The following DLG2 variants were observed in gnomAD, a reference collection of about 807,000 sequenced individuals.
DLG2 encodes the protein discs large MAGUK scaffold protein 2.
A neutral mutation model predicts 132.5 loss-of-function variants in DLG2; 45 were observed. The ratio of observed to expected loss-of-function variants is 0.34; its 90% CI spans 0.27 to 0.44. The LOEUF is 0.44. Among genes scored for constraint, DLG2 ranks in the 20% least tolerant of loss-of-function variants. The pLI is 1.00. For synonymous variants in DLG2, 424 were observed against 419.6 expected (o/e 1.01, Z -0.13); for missense variants, 1,045 against 1,196.9 (o/e 0.87, Z 1.87).
At position 84,197,539 on chromosome 11, in the gene DLG2, A is replaced by G. The variant is rs182457461; in HGVS notation, c.574-34028T>C. On this transcript the variant is annotated intron_variant, in intron 8 of 27. Coordinates refer to ENST00000376104, the MANE Select transcript of DLG2 (RefSeq NM_001142699.3). ...GGAAACAAATCAAATACAAATCACT[A>G]AAAAAGCCTCCAAAGAGTCAAGACA... 5.3e-5 allele frequency among the ~76,000 whole-genome samples: 8 copies of G among 152,328 alleles called. No homozygotes were observed. In the East Asian group the frequency reaches 1.5e-3, roughly 29 times the overall value.
At chr11:84,192,621 T>G (rs2096434159) in intron 8 of DLG2, among the ~76,000 whole-genome samples, 2 of 151,986 alleles carry the variant, frequency 1.3e-5, no homozygotes, top group Admixed American at 1.3e-4. Flanking sequence ...TCCCAGCTAC[T>G]CGGGAGGCTG....
At chr11:83,685,726 C>G (rs2079622947) in intron 18 of DLG2, among the ~76,000 whole-genome samples, 1 of 151,994 alleles carries the variant, frequency 6.6e-6, no homozygotes, top group Admixed American at 6.6e-5. Context: ...GCTCTAAGCT[C>G]CAGACTCTTA....
At chr11:83,733,816 C>T (rs894037824) in intron 18 of DLG2, among the ~76,000 whole-genome samples, 4 of 152,180 alleles carry the variant, frequency 2.6e-5, no homozygotes, top group Non-Finnish European at 5.9e-5. Context: ...AGTTTTGTTA[C>T]ATGGATATAT....
chr11:85,144,891 G>C (rs949711111), intron 5 of DLG2, among the ~76,000 whole-genome samples: 2 of 151,932 alleles, frequency 1.3e-5, no homozygotes, highest in African/African-American at 4.8e-5. Context: ...TCTGTATTTG[G>C]CTGTGTATTT....
chr11:84,550,131 CA>C (rs2099398933), intron 6 of DLG2, among the ~76,000 whole-genome samples: 1 of 151,806 alleles, frequency 6.6e-6, no homozygotes, highest in Non-Finnish European at 1.5e-5. Context: ...CACACACACA[CA>C]CACACACACA....
chr11:83,754,196 AAAAC>A (rs2093554147), intron 18 of DLG2, among the ~76,000 whole-genome samples: 5 of 150,866 alleles, frequency 3.3e-5, no homozygotes, highest in Non-Finnish European at 5.9e-5. Flanking sequence ...ACCCCCGCAA[AAAAC>A]AAACAAACAA....
At chr11:83,903,267 T>C (rs1460098313) in intron 15 of DLG2, among the ~76,000 whole-genome samples, 1 of 152,068 alleles carries the variant, frequency 6.6e-6, no homozygotes, top group African/African-American at 2.4e-5. Flanking sequence ...AAGATTACTC[T>C]CTACTAGGTA....
At chr11:83,641,881 G>A (rs1426659837) in intron 18 of DLG2, among the ~76,000 whole-genome samples, 4 of 151,822 alleles carry the variant, frequency 2.6e-5, no homozygotes, top group Non-Finnish European at 4.4e-5. Context: ...GTGTGTGTGT[G>A]TGTGTGTGTG....
chr11:83,812,286 C>T, intron 17 of DLG2, among the ~76,000 whole-genome samples: 1 of 152,120 alleles, frequency 6.6e-6, no homozygotes, highest in East Asian at 1.9e-4. Context: ...ACTCTCCCAT[C>T]CCAAGTGTTT....
At chr11:83,653,436 G>A (rs778576099) in intron 18 of DLG2, among the ~76,000 whole-genome samples, 3 of 152,078 alleles carry the variant, frequency 2.0e-5, no homozygotes, top group East Asian at 3.8e-4. Context: ...TTCTATGCAC[G>A]TTACTATTTG....
At chr11:83,885,744 G>C (rs1233112469) in intron 15 of DLG2, among the ~76,000 whole-genome samples, 1 of 152,216 alleles carries the variant, frequency 6.6e-6, no homozygotes, top group Non-Finnish European at 1.5e-5. Flanking sequence ...ACTAACAGCG[G>C]ATCTCTTGGC....
intron 22 of DLG2, 30 bp downstream of exon 22, chr11:83,484,099 A>G (rs758782645): frequency 8.9e-6 from 14 of 1,578,056 alleles, no homozygotes; most frequent in East Asian, 2.2e-5. Context: ...CTTATGTTGC[A>G]TGTGACATTA....
In DLG2 at chr11:84,160,281, G is replaced by C. The variant is rs2095517519; in HGVS notation, c.624+3180C>G. Among the ~76,000 whole-genome samples, 9 of 152,238 alleles carry C rather than the reference G, an allele frequency of 5.9e-5. No homozygotes were observed. In the South Asian group the frequency reaches 1.9e-3, roughly 32 times the overall value. On this transcript the variant is annotated intron_variant, in intron 9 of 27. Transcript: ENST00000376104. ...GGAGCCAGCAAGGAGGCTGAGAAAG[G>C]GCAGCCATTGAGGTGGTAAAAGAAC... is the stretch of plus-strand genomic sequence containing the variant.
intron 7 of DLG2, among the ~76,000 whole-genome samples, chr11:84,338,329 T>C (rs1358917676): frequency 1.3e-5 from 2 of 152,214 alleles, no homozygotes; most frequent in African/African-American, 4.8e-5. Flanking sequence ...ACTTGTTCAC[T>C]CTCTTCTCTG....
At chr11:83,920,075 A>G (rs2077583078) in intron 15 of DLG2, among the ~76,000 whole-genome samples, 1 of 152,158 alleles carries the variant, frequency 6.6e-6, no homozygotes, top group Non-Finnish European at 1.5e-5. Flanking sequence ...TGCGTGCCAG[A>G]AGAAGGGGAG....
At chr11:83,505,299 C>T (rs923206230) in intron 21 of DLG2, among the ~76,000 whole-genome samples, 1 of 152,212 alleles carries the variant, frequency 6.6e-6, no homozygotes, top group Non-Finnish European at 1.5e-5. Context: ...AAATGGGGCA[C>T]TCAGCAGTGG....
intron 6 of DLG2, among the ~76,000 whole-genome samples, chr11:84,893,163 G>A (rs556876300): frequency 3.9e-5 from 6 of 152,190 alleles, no homozygotes; most frequent in South Asian, 2.1e-4. Flanking sequence ...ACTTTAGAAG[G>A]TCTCACTCCG....
intron 18 of DLG2, among the ~76,000 whole-genome samples, chr11:83,785,472 C>T (rs1448921647): frequency 1.3e-5 from 2 of 152,256 alleles, no homozygotes; most frequent in Admixed American, 6.5e-5. Flanking sequence ...GTGTTGTCAT[C>T]ATCCATCTGT....
chr11:84,205,555 TAAA>T (rs68181463), intron 8 of DLG2, among the ~76,000 whole-genome samples: 5,608 of 150,414 alleles, frequency 0.037, 119 homozygotes, highest in African/African-American at 0.055. Flanking sequence ...AGAATTAAAT[TAAA>T]AAAAAAAACA....
Sources: allele counts gnomAD v4.1 joint callset (sites outside exome capture counted in the v4.1 genomes callset), GRCh38; gene constraint gnomAD v4.1.1; transcripts MANE v1.5; gene names NCBI Gene and HGNC (gene_info 2026-07-23, HGNC 2026-07-21).